Variants in ATP8B1 observed in about 807,000 individuals in gnomAD.
ATP8B1 encodes ATPase phospholipid transporting 8B1.
In ATP8B1, 80 loss-of-function variants were observed where a neutral mutation model predicts 149.9. The ratio of observed to expected loss-of-function variants is 0.53; its 90% CI spans 0.45 to 0.64. The LOEUF is 0.64. ATP8B1 is among the 30% of genes least tolerant of loss of function. ATP8B1 has a pLI of 0.00. For synonymous variants in ATP8B1, 536 were observed against 562.8 expected, an observed-to-expected ratio of 0.95 and a Z score of 0.67; for missense variants, 1,247 against 1,552.6, an observed-to-expected ratio of 0.80 and a Z score of 3.31.
At chr18:57,782,803 CTTTTTTTTT>C (rs79009229) in intron 1 of ATP8B1, among the ~76,000 whole-genome samples, 23 of 91,156 alleles carry the variant, frequency 2.5e-4, no homozygotes, top group East Asian at 2.5e-3. Flanking sequence ...TAGTTTGTCT[CTTTTTTTTT>C]TTTTTTTTTT....
At chr18:57,681,517 G>C (rs534262103) in intron 15 of ATP8B1, among the ~76,000 whole-genome samples, 4 of 152,144 alleles carry the variant, frequency 2.6e-5, no homozygotes, top group Non-Finnish European at 5.9e-5. Context: ...ACAAATGCAT[G>C]TGGCAGGGTG....
At chr18:57,695,122 G>C in intron 10 of ATP8B1, 49 bp downstream of exon 10, 1 of 1,546,636 alleles carries the variant, frequency 6.5e-7, no homozygotes, top group East Asian at 2.5e-5. Flanking sequence ...TCCCCTCTAA[G>C]TCTTTAAAGA....
intron 2 of ATP8B1, among the ~76,000 whole-genome samples, chr18:57,724,602 C>A (rs561164913): frequency 1.5e-4 from 22 of 151,192 alleles, no homozygotes; most frequent in African/African-American, 5.1e-4. Context: ...CAGGAAACAA[C>A]AGGTGCTGGA....
At chr18:57,668,007 T>C in intron 19 of ATP8B1, 1 of 1,199,152 alleles carries the variant, frequency 8.3e-7, no homozygotes, top group Non-Finnish European at 1.1e-6. Context: ...TTTCCTTAGG[T>C]ATACAATTTT....
chr18:57,747,848 CAACTT>C (rs1389643860), intron 1 of ATP8B1, among the ~76,000 whole-genome samples: 1 of 152,206 alleles, frequency 6.6e-6, no homozygotes, highest in East Asian at 1.9e-4. Context: ...TTAGAGTACT[CAACTT>C]AGATTACAAA....
chr18:57,651,548 C>G (rs1449381974), intron 26 of ATP8B1, among the ~76,000 whole-genome samples: 3 of 152,126 alleles, frequency 2.0e-5, no homozygotes, highest in Non-Finnish European at 4.4e-5. Flanking sequence ...CCCTTTCAAC[C>G]CACCATCACC....
rs1379217217 is a variant in ATP8B1, at chr18:57,647,424, T to C, written c.*1064A>G. The C allele has an allele frequency of 2.6e-5, 4 of 152,186 alleles. No individual in the cohort carries two copies. The highest frequency in any genetic ancestry group is 5.9e-5 in the Non-Finnish European group (4 of 68,036). 9.4% of individuals were successfully genotyped at this position (152,186 alleles called of 1,614,324 possible). A position where few individuals can be genotyped will look rare whatever the true frequency, so the allele number is the denominator to read the frequency against. On this transcript the variant is annotated 3_prime_UTR_variant, in exon 28 of 28. Transcript: ENST00000648908. ...ACCAATATGAGGAAACATGAAACCA[T>C]GCAATCTACTATCAACTTTGAAAAA...
chr18:57,764,753 T>A (rs1402999845), intron 1 of ATP8B1, among the ~76,000 whole-genome samples: 8 of 87,356 alleles, frequency 9.2e-5, no homozygotes, highest in Non-Finnish European at 1.1e-4. Context: ...TCACTTTCAG[T>A]TGTCAAAAAA....
Position 57,704,572 on chromosome 18 carries a change from C to A in ATP8B1, c.376G>T (p.Ala126Ser). 1 of 1,597,030 alleles carries A rather than the reference C, an allele frequency of 6.3e-7. No individual in the cohort carries two copies. The highest frequency in any genetic ancestry group is 8.6e-7 in the Non-Finnish European group (1 of 1,164,770). ...GGCATTACCTGTAAGATAAGAAGAG[C>A]CAGGAAATATAAATTGGCTGCTCTC... is the stretch of plus-strand genomic sequence containing the variant. ...FKRAANLYFLALLILQAVPQI... is the reference protein window; with the variant it reads ...FKRAANLYFLSLLILQAVPQI... The change falls in exon 4 of 28, where the codon GCT becomes TCT. Residue 126 changes from alanine (A) to serine (S), a missense_variant. Physicochemically the swap from Ala to Ser is moderately conservative, Grantham distance 99 (BLOSUM62 1). This residue lies in a region of ATP8B1 where 853 missense variants were observed against 1,035.7 expected (regional missense o/e 0.82). Transcript: ENST00000648908.
chr18:57,653,282 C>CTT lies in ATP8B1; in HGVS notation c.3016-555_3016-554dup, dbSNP rs199543849. On this transcript the variant is annotated intron_variant, in intron 24 of 27. Coordinates refer to ENST00000648908, the MANE Select transcript of ATP8B1 (RefSeq NM_001374385.1). The stretch of plus-strand genomic sequence containing the variant: ...GGGTGCCTTTTTTTCCTTTTCTTTT[C>CTT]TTTTTTTTTTTTTTTTTTTGGAGAC... Among the ~76,000 whole-genome samples the CTT allele has an allele frequency of 6.5e-3, 748 of 114,458 alleles. 13 individuals carry two copies. Among genetic ancestry groups the CTT allele is most frequent in the Middle Eastern group, 0.025 (5 of 198 alleles). The allele number at this position is 114,458 out of a possible 152,430, so 75.1% of individuals were successfully genotyped here. A position where few individuals can be genotyped will look rare whatever the true frequency, so the allele number is the denominator to read the frequency against.
intron 1 of ATP8B1, among the ~76,000 whole-genome samples, chr18:57,772,774 C>T (rs551890746): frequency 6.6e-6 from 1 of 152,004 alleles, no homozygotes; most frequent in East Asian, 1.9e-4. Flanking sequence ...GTAACAGGGA[C>T]GATGAGGACA....
At chr18:57,711,253 C>T (rs1292663353) in intron 2 of ATP8B1, among the ~76,000 whole-genome samples, 2 of 152,106 alleles carry the variant, frequency 1.3e-5, no homozygotes, top group East Asian at 3.8e-4. Context: ...AGAAACAACC[C>T]AAATGCCTAC....
chr18:57,702,726 G>A (rs989869530), intron 4 of ATP8B1, among the ~76,000 whole-genome samples: 7 of 151,986 alleles, frequency 4.6e-5, no homozygotes, highest in Non-Finnish European at 8.8e-5. Context: ...GTGTGGTGGC[G>A]CATGCCTGTA....
At chr18:57,666,397 T>C (rs1217792837) in intron 20 of ATP8B1, among the ~76,000 whole-genome samples, 1 of 152,068 alleles carries the variant, frequency 6.6e-6, no homozygotes, top group Non-Finnish European at 1.5e-5. Context: ...GCAAAAGTTT[T>C]GGGTTTTTTT....
chr18:57,715,875 C>T (rs920350254), intron 2 of ATP8B1, among the ~76,000 whole-genome samples: 1 of 152,044 alleles, frequency 6.6e-6, no homozygotes, highest in African/African-American at 2.4e-5. Context: ...TGTTAGTGAG[C>T]AATAAGAAAT....
intron 1 of ATP8B1, chr18:57,737,948 G>A (rs1300475465): frequency 6.6e-6 from 1 of 152,300 alleles, no homozygotes; most frequent in Non-Finnish European, 1.5e-5. Context: ...TCCGCTGAGA[G>A]TGAAGAAATG....
At chr18:57,666,748 C>T (rs1910884371) in intron 20 of ATP8B1, among the ~76,000 whole-genome samples, 1 of 152,056 alleles carries the variant, frequency 6.6e-6, no homozygotes, top group Admixed American at 6.6e-5. Context: ...GTTGGCCAGG[C>T]TGCTCTAGAA....
In ATP8B1 at chr18:57,672,440, C is replaced by A. The variant is rs535981675; in HGVS notation, c.1820-860G>T. On this transcript the variant is annotated intron_variant, in intron 16 of 27. Transcript: ENST00000648908. The stretch of plus-strand genomic sequence containing the variant: ...CACAGAAAGCGTTCAGTAAGTGTGC[C>A]TAAGGAGGGTGTAATAGTTAAACCT... Among the ~76,000 whole-genome samples, 4 of 152,258 alleles carry A rather than the reference C, an allele frequency of 2.6e-5. No individual in the cohort carries two copies. In the South Asian group the frequency reaches 8.3e-4, roughly 32 times the overall value.
chr18:57,736,440 TAA>T (rs1349853299), intron 1 of ATP8B1, among the ~76,000 whole-genome samples: 17 of 147,030 alleles, frequency 1.2e-4, no homozygotes, highest in Admixed American at 9.4e-4. Context: ...TCTTCTAGTA[TAA>T]AGTTTTACTA....
Sources: allele counts gnomAD v4.1 joint callset (sites outside exome capture counted in the v4.1 genomes callset), GRCh38; gene constraint gnomAD v4.1.1; regional missense constraint gnomAD v4.1.1; transcripts MANE v1.5; gene names NCBI Gene and HGNC (gene_info 2026-07-23, HGNC 2026-07-21).